BTN2A1: variants seen among roughly 807,000 people sequenced by gnomAD.
The protein encoded by BTN2A1 is butyrophilin subfamily 2 member A1.
BTN2A1 carries 41 observed loss-of-function variants against 34.5 expected under a neutral mutation model. The ratio of observed to expected loss-of-function variants is 1.19; its 90% CI spans 0.93 to 1.54. The LOEUF (loss-of-function observed/expected upper bound fraction) is 1.54. Ranked by LOEUF, BTN2A1 falls within the 40% of genes most tolerant of loss-of-function variation. BTN2A1 has a pLI of 0.00. For synonymous variants in BTN2A1, 267 were observed against 258.6 expected, an observed-to-expected ratio of 1.03 and a Z score of -0.31; for missense variants, 642 against 662.0, an observed-to-expected ratio of 0.97 and a Z score of 0.33.
At position 26,468,197 on chromosome 6, in the gene BTN2A1, G is replaced by C; in HGVS notation, c.1232G>C (p.Gly411Ala). The change falls in exon 8 of 8, where the codon GGG becomes GCG. Residue 411 changes from glycine to alanine, a missense_variant. Gly to Ala is a moderately conservative substitution (Grantham distance 60). Transcript: ENST00000312541. ...GVCRDSVERK[G>A]EVLLIPQNGF... ...TGTAGAGACAGTGTTGAGAGGAAAGGGGAGGTCCTGCTGATTCCTCAGAAT... is the reference window on the plus strand; with the variant it reads ...TGTAGAGACAGTGTTGAGAGGAAAGCGGAGGTCCTGCTGATTCCTCAGAAT... 1 of 1,614,200 alleles carries C rather than the reference G, an allele frequency of 6.2e-7. No individual in the cohort carries two copies. Among genetic ancestry groups the C allele is most frequent in the Non-Finnish European group, 8.5e-7 (1 of 1,180,030 alleles).
At chr6:26,472,111 TTTC>T (rs1763462896), downstream of BTN2A1, among the ~76,000 whole-genome samples, 1 of 152,220 alleles carries the variant, frequency 6.6e-6, no homozygotes, top group African/African-American at 2.4e-5. Flanking sequence ...CTGTCTTTAT[TTTC>T]TTCTGTCTTA....
At chr6:26,461,612 G>A (rs985375964) in intron 3 of BTN2A1, among the ~76,000 whole-genome samples, 1 of 152,082 alleles carries the variant, frequency 6.6e-6, no homozygotes, top group Non-Finnish European at 1.5e-5. Flanking sequence ...GTGAAACCCT[G>A]TCTTTACTAA....
At chr6:26,474,448 T>TA (rs1225065336), downstream of BTN2A1, among the ~76,000 whole-genome samples, 1 of 152,258 alleles carries the variant, frequency 6.6e-6, no homozygotes, top group Non-Finnish European at 1.5e-5. Flanking sequence ...TTAATTTGTC[T>TA]AAAGTTTTTA....
chr6:26,473,366 TGAA>T (rs747915366), downstream of BTN2A1, among the ~76,000 whole-genome samples: 2 of 152,066 alleles, frequency 1.3e-5, no homozygotes, highest in Non-Finnish European at 2.9e-5. Context: ...GAGCAAGAGG[TGAA>T]GAAAGCTTCA....
chr6:26,458,775 A>G (rs372951914), intron 2 of BTN2A1, 57 bp downstream of exon 2: 2 of 1,585,386 alleles, frequency 1.3e-6, no homozygotes, highest in Non-Finnish European at 1.7e-6. Context: ...TCAACCCTGT[A>G]GTCTGCAAAG....
intron 3 of BTN2A1, 198 bp from the exon 4 acceptor site, chr6:26,463,046 C>A: frequency 1.1e-6 from 1 of 907,946 alleles, no homozygotes; most frequent in Non-Finnish European, 1.6e-6. Context: ...GTTTATGTGG[C>A]CCATTGGCCT....
chr6:26,461,021 A>G (rs572120468), intron 3 of BTN2A1, among the ~76,000 whole-genome samples: 2 of 152,314 alleles, frequency 1.3e-5, no homozygotes, highest in South Asian at 2.1e-4. Flanking sequence ...GGAGGTGAGG[A>G]CTAGGGAATT....
chr6:26,461,196 TG>T (rs777817559), intron 3 of BTN2A1, among the ~76,000 whole-genome samples: 14 of 152,350 alleles, frequency 9.2e-5, no homozygotes, highest in Admixed American at 3.3e-4. Flanking sequence ...TGACCAGTTA[TG>T]GTTTCTGCGC....
chr6:26,470,532 G>C (rs886551280), downstream of BTN2A1, among the ~76,000 whole-genome samples: 2 of 152,224 alleles, frequency 1.3e-5, no homozygotes, highest in African/African-American at 4.8e-5. Flanking sequence ...ATTTCTGGAT[G>C]TGTCTCTGAG....
intron 6 of BTN2A1, 31 bp from the exon 7 acceptor site, chr6:26,466,031 C>T (rs1391747257): frequency 1.2e-6 from 2 of 1,614,124 alleles, no homozygotes; most frequent in Non-Finnish European, 1.7e-6. Flanking sequence ...AGCAACATCT[C>T]ATGACATTCG....
At chr6:26,472,653 G>T (rs912576170), downstream of BTN2A1, among the ~76,000 whole-genome samples, 2 of 152,094 alleles carry the variant, frequency 1.3e-5, no homozygotes, top group Non-Finnish European at 2.9e-5. Flanking sequence ...CCCAAGCCTC[G>T]CTTGGCTAAA....
chr6:26,466,155 A>G (rs1763309562), intron 7 of BTN2A1, 67 bp downstream of exon 7: 1 of 1,611,824 alleles, frequency 6.2e-7, no homozygotes, highest in Non-Finnish European at 8.5e-7. Flanking sequence ...AGGACTCCTT[A>G]GAGGAGATGA....
Position 26,465,813 on chromosome 6 carries a change from T to A in BTN2A1, c.935-140T>A, listed in dbSNP as rs1034016380. Reference sequence around the variant, plus strand: ...CAGCCACCTGATCATACATAATTTCTGGTTTCTGACAGTGCCCTAGGCATG... The same window carrying A: ...CAGCCACCTGATCATACATAATTTCAGGTTTCTGACAGTGCCCTAGGCATG... On this transcript the variant is annotated intron_variant, in intron 5 of 7. Coordinates refer to ENST00000312541, the MANE Select transcript of BTN2A1 (RefSeq NM_007049.5). The A allele has an allele frequency of 3.3e-6, 5 of 1,516,158 alleles. No homozygotes were observed. In the South Asian group the frequency reaches 5.1e-5, roughly 15 times the overall value. The allele number at this position is 1,516,158 out of a possible 1,614,324, so 93.9% of individuals were successfully genotyped here. A position where few individuals can be genotyped will look rare whatever the true frequency, so the allele number is the denominator to read the frequency against.
chr6:26,473,888 C>A (rs1225082275), downstream of BTN2A1, among the ~76,000 whole-genome samples: 1 of 152,142 alleles, frequency 6.6e-6, no homozygotes, highest in Non-Finnish European at 1.5e-5. Context: ...TCATTCTAAC[C>A]GTCCCCAGTG....
rs774189106 is a variant in BTN2A1, at chr6:26,469,360, A to G, written c.*811A>G. The G allele has an allele frequency of 2.0e-6, 2 of 983,760 alleles. No individual in the cohort carries two copies. Among genetic ancestry groups the G allele is most frequent in the Non-Finnish European group, 2.4e-6 (2 of 828,454 alleles). The allele number at this position is 983,760 out of a possible 1,614,324, so 60.9% of individuals were successfully genotyped here. ...TGGCTTCAAACTTCCTGGTTTCATG[A>G]TATCTTGAGACGCCTTACAAATGAT... On this transcript the variant is annotated 3_prime_UTR_variant, in exon 8 of 8. Coordinates refer to ENST00000312541, the MANE Select transcript of BTN2A1 (RefSeq NM_007049.5).
Position 26,465,302 on chromosome 6 carries a change from A to G in BTN2A1, c.830A>G (p.Lys277Arg). ...ATCAACAAACTCCAAAAGGAAAAAA[A>G]GATTCTGTCAGGGGAAAAGGAGTTT... ...YWINKLQKEK[K>R]ILSGEKEFER... The change falls in exon 5 of 8, where the codon AAG becomes AGG. Residue 277 changes from lysine (K) to arginine (R), a missense_variant. Coordinates refer to ENST00000312541, the MANE Select transcript of BTN2A1 (RefSeq NM_007049.5). The G allele has an allele frequency of 6.2e-7, 1 of 1,614,204 alleles. No homozygotes were observed. The highest frequency in any genetic ancestry group is 1.3e-5 in the African/African-American group (1 of 75,054).
chr6:26,458,234 G>A (rs1014372246), intron 1 of BTN2A1, 92 bp downstream of exon 1: 7 of 213,100 alleles, frequency 3.3e-5, no homozygotes, highest in South Asian at 1.4e-4. Context: ...GGGGTCCTGG[G>A]ACAGGGAAAG....
intron 1 of BTN2A1, among the ~76,000 whole-genome samples, chr6:26,458,359 G>A (rs1763064665): frequency 1.3e-5 from 2 of 152,206 alleles, no homozygotes; most frequent in African/African-American, 4.8e-5. Flanking sequence ...GACAACTGAA[G>A]AAACTGCATT....
chr6:26,458,220 A>T (rs950501876), intron 1 of BTN2A1, 78 bp downstream of exon 1: 2 of 196,802 alleles, frequency 1.0e-5, no homozygotes, highest in African/African-American at 4.7e-5. Context: ...TGTGGACACG[A>T]GACGGGGTCC....
Sources: gnomAD v4.1 joint callset for allele counts (sites outside exome capture counted in the v4.1 genomes callset) on GRCh38, gnomAD v4.1.1 for gene constraint, MANE v1.5 for transcripts, NCBI Gene and HGNC (gene_info 2026-07-23, HGNC 2026-07-21) for gene names.